CERS6: variants seen among roughly 807,000 people sequenced by gnomAD.
CERS6 encodes LAG1 homolog, ceramide synthase 6.
CERS6 carries 26 observed loss-of-function variants against 56.8 expected under a neutral mutation model. That is an observed-to-expected ratio of 0.46 (90% CI 0.34 to 0.63). The LOEUF (loss-of-function observed/expected upper bound fraction) is 0.63, where lower values mean the gene tolerates loss of function less well. CERS6 is among the 30% of genes least tolerant of loss of function. The pLI is 0.01. For missense variants in CERS6, 415 were observed against 467.5 expected, an observed-to-expected ratio of 0.89 and a Z score of 1.04; for synonymous variants, 164 against 173.3, an observed-to-expected ratio of 0.95 and a Z score of 0.42.
intron 1 of CERS6, among the ~76,000 whole-genome samples, chr2:168,508,434 C>T (rs967597331): frequency 2.6e-5 from 4 of 152,172 alleles, no homozygotes; most frequent in Non-Finnish European, 4.4e-5. Flanking sequence ...CTTGAGTGAA[C>T]ACTTTTATCT....
At chr2:168,670,324 C>G (rs1410683420) in intron 4 of CERS6, among the ~76,000 whole-genome samples, 1 of 152,074 alleles carries the variant, frequency 6.6e-6, no homozygotes, top group Non-Finnish European at 1.5e-5. Context: ...CAGAGAATAC[C>G]AGCCTCGTGA....
At position 168,561,242 on chromosome 2, in the gene CERS6, T is replaced by C; in HGVS notation, c.327T>C (p.Asp109=). 1 of 1,614,134 alleles carries C rather than the reference T, an allele frequency of 6.2e-7. No homozygotes were observed. The highest frequency in any genetic ancestry group is 8.5e-7 in the Non-Finnish European group (1 of 1,179,960). The change falls in exon 3 of 10, where the codon GAT becomes GAC. Residue 109 remains aspartate (D), a synonymous_variant. Transcript: ENST00000305747. ...LEGLSKQLDW[D]VRSIQRWFRQ... The stretch of plus-strand genomic sequence containing the variant: ...GCCTCTCCAAGCAACTGGACTGGGA[T>C]GTTCGAAGCATTCAGCGCTGGTTTC...
chr2:168,457,948 T>C (rs972800530), intron 1 of CERS6, among the ~76,000 whole-genome samples: 1 of 152,194 alleles, frequency 6.6e-6, no homozygotes, highest in Admixed American at 6.5e-5. Context: ...CAACAGACTT[T>C]AAGACCTATG....
chr2:168,734,069 A>G (rs199711345), intron 8 of CERS6, among the ~76,000 whole-genome samples: 1 of 152,156 alleles, frequency 6.6e-6, no homozygotes, highest in East Asian at 1.9e-4. Context: ...TTTTAGAGCT[A>G]AAAGCTCTAA....
chr2:168,483,816 G>A (rs1478796532), intron 1 of CERS6, among the ~76,000 whole-genome samples: 3 of 152,156 alleles, frequency 2.0e-5, no homozygotes, highest in African/African-American at 7.2e-5. Flanking sequence ...TGAACATCTC[G>A]AACAGTGGCT....
In CERS6 at chr2:168,620,818, AGT is replaced by A. The variant is rs1332825309; in HGVS notation, c.408-10165_408-10164del. 4.5e-4 allele frequency among the ~76,000 whole-genome samples: 65 copies of A among 144,018 alleles called. 1 individual carries two copies. Among genetic ancestry groups the A allele is most frequent in the Admixed American group, 1.8e-3 (25 of 13,858 alleles). 94.5% of individuals were successfully genotyped at this position (144,018 alleles called of 152,430 possible). The stretch of plus-strand genomic sequence containing the variant: ...TGCTCTGTTGCCCAGGCTGGATTGC[AGT>A]GGTGTGATCACAGCTCACTGCAGCC... On this transcript the variant is annotated intron_variant, in intron 3 of 9. Transcript: ENST00000305747.
At chr2:168,595,289 A>G (rs1052143449) in intron 3 of CERS6, among the ~76,000 whole-genome samples, 1 of 152,214 alleles carries the variant, frequency 6.6e-6, no homozygotes, top group African/African-American at 2.4e-5. Context: ...CCTGACTTTC[A>G]GATGGTGAGA....
intron 8 of CERS6, among the ~76,000 whole-genome samples, chr2:168,735,300 A>G (rs1240925031): frequency 1.3e-5 from 2 of 152,230 alleles, no homozygotes; most frequent in East Asian, 1.9e-4. Context: ...GCAAAAAAAA[A>G]AAAAGTTAAT....
intron 1 of CERS6, among the ~76,000 whole-genome samples, chr2:168,533,847 G>C (rs1695210534): frequency 6.6e-6 from 1 of 152,004 alleles, no homozygotes; most frequent in Admixed American, 6.6e-5. Flanking sequence ...CCTTCAGGTA[G>C]GTACTCCAGT....
intron 8 of CERS6, among the ~76,000 whole-genome samples, chr2:168,760,068 G>A (rs548976753): frequency 3.2e-4 from 49 of 152,238 alleles, no homozygotes; most frequent in African/African-American, 7.5e-4. Flanking sequence ...TCAAGATACA[G>A]AAGTGTCCAG....
intron 6 of CERS6, among the ~76,000 whole-genome samples, chr2:168,696,457 C>T (rs942189154): frequency 1.3e-5 from 2 of 152,162 alleles, no homozygotes; most frequent in African/African-American, 2.4e-5. Flanking sequence ...TATCTGCTGC[C>T]TAAGAATTAT....
At chr2:168,530,154 C>T (rs903169940) in intron 1 of CERS6, among the ~76,000 whole-genome samples, 5 of 152,170 alleles carry the variant, frequency 3.3e-5, no homozygotes, top group Admixed American at 6.5e-5. Context: ...TGAGGCACTT[C>T]GGATTTGTGT....
At chr2:168,520,143 T>C (rs1174876216) in intron 1 of CERS6, among the ~76,000 whole-genome samples, 2 of 152,220 alleles carry the variant, frequency 1.3e-5, no homozygotes, top group African/African-American at 2.4e-5. Context: ...TGAGATCTTA[T>C]CTCACTGTGG....
At chr2:168,724,235 A>C (rs939186080) in intron 8 of CERS6, among the ~76,000 whole-genome samples, 1 of 150,794 alleles carries the variant, frequency 6.6e-6, no homozygotes, top group Non-Finnish European at 1.5e-5. Flanking sequence ...GTGCGTCTGG[A>C]GTTGTTCATT....
At chr2:168,490,394 G>C (rs1694348916) in intron 1 of CERS6, among the ~76,000 whole-genome samples, 1 of 152,040 alleles carries the variant, frequency 6.6e-6, no homozygotes, top group Non-Finnish European at 1.5e-5. Context: ...TGTATAGTGG[G>C]GCTCTGTGAC....
At chr2:168,748,352 C>A (rs963063104) in intron 8 of CERS6, among the ~76,000 whole-genome samples, 2 of 152,140 alleles carry the variant, frequency 1.3e-5, no homozygotes, top group African/African-American at 4.8e-5. Flanking sequence ...GGTGGAAACA[C>A]AAGAGAGTGC....
intron 1 of CERS6, among the ~76,000 whole-genome samples, chr2:168,467,140 G>A (rs1693895898): frequency 1.3e-5 from 2 of 152,160 alleles, no homozygotes; most frequent in South Asian, 4.1e-4. Context: ...GGAAGTCTTT[G>A]AGAGAAGAGG....
intron 4 of CERS6, among the ~76,000 whole-genome samples, chr2:168,634,211 C>CT (rs1397795693): frequency 6.6e-6 from 1 of 152,176 alleles, no homozygotes; most frequent in Non-Finnish European, 1.5e-5. Context: ...ACAATATAAT[C>CT]TTATTCTATA....
intron 3 of CERS6, among the ~76,000 whole-genome samples, chr2:168,624,669 A>G (rs1161836347): frequency 6.6e-6 from 1 of 152,194 alleles, no homozygotes; most frequent in East Asian, 1.9e-4. Context: ...GACTACTTCT[A>G]TCAAACTTGA....
Sources: gnomAD v4.1 joint callset for allele counts (sites outside exome capture counted in the v4.1 genomes callset) on GRCh38, gnomAD v4.1.1 for gene constraint, MANE v1.5 for transcripts, NCBI Gene and HGNC (gene_info 2026-07-23, HGNC 2026-07-21) for gene names.